EYA2: variants seen among roughly 807,000 people sequenced by gnomAD.
The protein encoded by EYA2 is protein phosphatase EYA2.
In EYA2, 31 loss-of-function variants were observed where a neutral mutation model predicts 69.2. That is an observed-to-expected ratio of 0.45 (90% CI 0.34 to 0.60). The LOEUF (loss-of-function observed/expected upper bound fraction) is 0.60. EYA2 is among the 20% of genes least tolerant of loss of function. EYA2 has a pLI of 0.02. For synonymous variants in EYA2, 257 were observed against 279.4 expected, an observed-to-expected ratio of 0.92 and a Z score of 0.80; for missense variants, 622 against 701.2, an observed-to-expected ratio of 0.89 and a Z score of 1.28.
At chr20:47,111,738 A>G (rs1486204952) in intron 9 of EYA2, among the ~76,000 whole-genome samples, 2 of 152,244 alleles carry the variant, frequency 1.3e-5, no homozygotes, top group African/African-American at 4.8e-5. Context: ...TAAACAGAGC[A>G]GTAACCCCAC....
intron 1 of EYA2, among the ~76,000 whole-genome samples, chr20:46,982,999 C>T (rs1980938329): frequency 6.6e-6 from 1 of 152,106 alleles, no homozygotes; most frequent in Non-Finnish European, 1.5e-5. Flanking sequence ...GTCTCAAACT[C>T]CTGCTTCAGG....
intron 15 of EYA2, among the ~76,000 whole-genome samples, chr20:47,185,545 G>T (rs146456856): frequency 1.3e-5 from 2 of 151,992 alleles, no homozygotes; most frequent in East Asian, 3.9e-4. Context: ...CAGGTGATCC[G>T]ACCACCTCAG....
chr20:47,062,535 T>C (rs1389152901), intron 5 of EYA2, among the ~76,000 whole-genome samples: 3 of 152,196 alleles, frequency 2.0e-5, no homozygotes, highest in East Asian at 3.9e-4. Context: ...CCAAGGTACA[T>C]GTAGCGGCTC....
chr20:47,137,737 T>A (rs2033508539), intron 9 of EYA2, among the ~76,000 whole-genome samples: 1 of 152,084 alleles, frequency 6.6e-6, no homozygotes, highest in Non-Finnish European at 1.5e-5. Flanking sequence ...ACCACCAAAT[T>A]TTTTTTTCTT....
intron 8 of EYA2, among the ~76,000 whole-genome samples, chr20:47,090,063 G>T (rs935637201): frequency 5.3e-5 from 8 of 151,988 alleles, no homozygotes; most frequent in Admixed American, 2.0e-4. Flanking sequence ...GACTGCACAC[G>T]ACAATCACAT....
intron 9 of EYA2, among the ~76,000 whole-genome samples, chr20:47,140,379 G>A (rs1284772146): frequency 6.6e-6 from 1 of 151,980 alleles, no homozygotes; most frequent in African/African-American, 2.4e-5. Flanking sequence ...GTGTTCCTGG[G>A]CCTGATTCTT....
intron 5 of EYA2, among the ~76,000 whole-genome samples, chr20:47,052,594 T>C (rs2030395601): frequency 6.6e-6 from 1 of 152,142 alleles, no homozygotes; most frequent in African/African-American, 2.4e-5. Context: ...GCAAAATAGG[T>C]CGTTTTAGGA....
intron 2 of EYA2, among the ~76,000 whole-genome samples, chr20:46,997,246 A>G (rs1274513674): frequency 1.3e-5 from 2 of 152,200 alleles, no homozygotes; most frequent in Non-Finnish European, 1.5e-5. Context: ...TATCATGAGA[A>G]CAGGATAGAA....
chr20:46,982,842 C>G (rs530581353), intron 1 of EYA2, among the ~76,000 whole-genome samples: 1 of 148,878 alleles, frequency 6.7e-6, no homozygotes, highest in Non-Finnish European at 1.5e-5. Flanking sequence ...GGTGCAATCT[C>G]GGCTCACTGC....
intron 5 of EYA2, among the ~76,000 whole-genome samples, chr20:47,035,336 G>A (rs954079634): frequency 6.6e-6 from 1 of 152,174 alleles, no homozygotes; most frequent in Non-Finnish European, 1.5e-5. Context: ...TGCCAGCAAA[G>A]GTCAGGGCTC....
In EYA2 at chr20:47,005,672, G is replaced by A. The variant is rs150512376; in HGVS notation, c.298+588G>A. Among the ~76,000 whole-genome samples, 634 of 152,358 alleles carry A rather than the reference G, an allele frequency of 4.2e-3. 3 individuals are homozygous for A. Among genetic ancestry groups the A allele is most frequent in the African/African-American group, 0.015 (613 of 41,574 alleles). On this transcript the variant is annotated intron_variant, in intron 4 of 15. Coordinates refer to ENST00000327619, the MANE Select transcript of EYA2 (RefSeq NM_005244.5). ...TGAAGCCTATGGATTATCTTTGAAG[G>A]AGGGGTGGTTTTCTTAAAGGAAAAC... is the stretch of plus-strand genomic sequence containing the variant.
chr20:47,172,121 A>AAAAATAAAAAAATAAAAAGTC (rs2034334144), intron 11 of EYA2, among the ~76,000 whole-genome samples: 1 of 151,258 alleles, frequency 6.6e-6, no homozygotes, highest in Non-Finnish European at 1.5e-5. Flanking sequence ...AAAAAATAAA[A>AAAAATAAAAAAATAAAAAGTC]AAAATAAAAA....
intron 10 of EYA2, among the ~76,000 whole-genome samples, chr20:47,148,058 C>CAAAAAAAAAAAAAAAAAAAAAAAAAAAAA (rs1264883844): frequency 4.8e-5 from 4 of 82,836 alleles, no homozygotes; most frequent in African/African-American, 1.9e-4. Context: ...GACTCTGTCT[C>CAAAAAAAAAAAAAAAAAAAAAAAAAAAAA]AAAAAAAAAA....
At chr20:47,074,652 A>T (rs2031444994) in intron 7 of EYA2, among the ~76,000 whole-genome samples, 1 of 152,230 alleles carries the variant, frequency 6.6e-6, no homozygotes, top group Non-Finnish European at 1.5e-5. Context: ...TTGAAAGAAG[A>T]TCTGGCCATA....
intron 1 of EYA2, among the ~76,000 whole-genome samples, chr20:46,918,357 G>T (rs1985020095): frequency 6.7e-6 from 1 of 150,282 alleles, no homozygotes; most frequent in South Asian, 2.2e-4. Context: ...AGCCCAAGCT[G>T]ATGTGCAATG....
At chr20:47,146,665 C>A (rs1299348802) in intron 10 of EYA2, among the ~76,000 whole-genome samples, 1 of 152,206 alleles carries the variant, frequency 6.6e-6, no homozygotes, top group African/African-American at 2.4e-5. Context: ...TAAAGCACAG[C>A]CTTCTGCAGC....
chr20:46,963,362 G>A (rs952025636), intron 1 of EYA2, among the ~76,000 whole-genome samples: 44 of 152,280 alleles, frequency 2.9e-4, no homozygotes, highest in Admixed American at 7.2e-4. Flanking sequence ...TCAGTCAGTC[G>A]TCAAAAAAGA....
intron 5 of EYA2, among the ~76,000 whole-genome samples, chr20:47,057,140 A>AG (rs2146446180): frequency 5.8e-5 from 1 of 17,304 alleles, no homozygotes; most frequent in African/African-American, 3.2e-4. Context: ...GGAAGGAGGG[A>AG]GGAAGGAAGG....
chr20:47,163,129 A>T (rs189116774), intron 10 of EYA2, among the ~76,000 whole-genome samples: 2 of 151,872 alleles, frequency 1.3e-5, no homozygotes, highest in South Asian at 2.1e-4. Context: ...TCCTGGGCTC[A>T]AGCGATCCTC....
Sources: gnomAD v4.1 joint callset for allele counts (sites outside exome capture counted in the v4.1 genomes callset) on GRCh38, gnomAD v4.1.1 for gene constraint, MANE v1.5 for transcripts, NCBI Gene and HGNC (gene_info 2026-07-23, HGNC 2026-07-21) for gene names.